The following ZC3H12B variants were observed in gnomAD, a reference collection of about 807,000 sequenced individuals.
ZC3H12B encodes the protein zinc finger CCCH-type containing 12B.
ZC3H12B carries 7 observed loss-of-function variants against 43.9 expected under a neutral mutation model. That is an observed-to-expected ratio of 0.16 (90% CI 0.09 to 0.30). The LOEUF is 0.30. Among genes scored for constraint, ZC3H12B ranks in the 10% least tolerant of loss-of-function variants. The pLI, the probability that ZC3H12B is intolerant of heterozygous loss-of-function variation, is 1.00. For synonymous variants in ZC3H12B, 222 were observed against 241.7 expected (o/e 0.92, Z 0.76); for missense variants, 475 against 670.2 (o/e 0.71, Z 3.22).
chrX:65,177,848 C>T, the ZC3H12B span, among the ~76,000 whole-genome samples: 1 of 112,107 alleles, frequency 8.9e-6, no homozygotes, highest in Non-Finnish European at 1.9e-5. Context: ...GGCCATAGTG[C>T]CAAAAGTAAT....
At chrX:65,231,473 G>A in the ZC3H12B span, among the ~76,000 whole-genome samples, 624 of 110,877 alleles carry the variant, frequency 5.6e-3, 3 homozygotes, top group Admixed American at 8.6e-3. Context: ...AGACCAGGGC[G>A]TATCTCAATC....
At chrX:65,459,479 T>C (rs1425469151) in intron 3 of ZC3H12B, among the ~76,000 whole-genome samples, 8 of 111,552 alleles carry the variant, frequency 7.2e-5, no homozygotes, top group Non-Finnish European at 1.1e-4. Context: ...GCAAACCGAA[T>C]CCAGCAGCAC....
chrX:65,503,707 C>T, exon 5 of ZC3H12B: 1 of 111,053 alleles, frequency 9.0e-6, no homozygotes, highest in Non-Finnish European at 1.9e-5. Flanking sequence ...ACCTCCACCT[C>T]CAGGGTTCAA....
chrX:65,402,416 G>A (rs1011187417), intron 3 of ZC3H12B, among the ~76,000 whole-genome samples: 1 of 111,823 alleles, frequency 8.9e-6, no homozygotes, highest in Non-Finnish European at 1.9e-5. Flanking sequence ...AAGGACACAG[G>A]CCTGGCTGGC....
the ZC3H12B span, among the ~76,000 whole-genome samples, chrX:65,115,320 T>C: frequency 6.1e-4 from 68 of 110,931 alleles, no homozygotes; most frequent in African/African-American, 2.1e-3. Flanking sequence ...TTTCCATTCC[T>C]GAGTTACTTC....
the ZC3H12B span, among the ~76,000 whole-genome samples, chrX:65,255,724 T>A: frequency 8.9e-6 from 1 of 111,927 alleles, no homozygotes; most frequent in Non-Finnish European, 1.9e-5. Context: ...AATGTCACAA[T>A]TAAAAGGCAC....
chrX:65,409,426 G>C lies in ZC3H12B; in HGVS notation n.407+10722G>C, dbSNP rs189787306. Among the ~76,000 whole-genome samples, 6 of 111,617 alleles carry C rather than the reference G, an allele frequency of 5.4e-5. No homozygotes were observed. The South Asian group carries it at 1.5e-3, about 27-fold the overall frequency. ...ACTTTCACCACTGTTATTCAACATA[G>C]TAGCGGAAGTCCTAGCTAGAGCAAT... is the stretch of plus-strand genomic sequence containing the variant. On this transcript the variant is annotated intron_variant and non_coding_transcript_variant, in intron 3 of 5. Coordinates refer to the ZC3H12B transcript ENST00000617377.
chrX:65,498,873 T>A (rs1015211193), intron 2 of ZC3H12B, 126 bp from the exon 8 acceptor site: 1 of 516,847 alleles, frequency 1.9e-6, no homozygotes, highest in Admixed American at 3.4e-5. Context: ...GAACAGGGCC[T>A]ACTTTCCCTC....
the ZC3H12B span, among the ~76,000 whole-genome samples, chrX:65,245,472 A>T: frequency 1.8e-5 from 2 of 112,142 alleles, no homozygotes; most frequent in Admixed American, 1.9e-4. Flanking sequence ...ATCCAGCAGC[A>T]TATCAAAAAG....
intron 1 of ZC3H12B, among the ~76,000 whole-genome samples, chrX:65,490,465 A>G (rs2068189504): frequency 9.1e-6 from 1 of 110,283 alleles, no homozygotes; most frequent in African/African-American, 3.3e-5. Context: ...TTAAGCTTGC[A>G]GAAAGAACAC....
chrX:65,200,232 A>C, the ZC3H12B span, among the ~76,000 whole-genome samples: 3 of 110,284 alleles, frequency 2.7e-5, no homozygotes, highest in African/African-American at 9.9e-5. Context: ...CCATATGTTT[A>C]TTGGCCGCAT....
the ZC3H12B span, among the ~76,000 whole-genome samples, chrX:65,314,357 T>G: frequency 9.0e-6 from 1 of 111,520 alleles, no homozygotes; most frequent in Admixed American, 9.5e-5. Context: ...CACATTACAA[T>G]GAAAATGCTG....
At chrX:65,329,392 G>A in the ZC3H12B span, among the ~76,000 whole-genome samples, 1 of 109,163 alleles carries the variant, frequency 9.2e-6, no homozygotes, top group African/African-American at 3.5e-5. Flanking sequence ...TTTTTGATGG[G>A]GTTGTTTGTT....
chrX:65,321,675 TA>T, the ZC3H12B span, among the ~76,000 whole-genome samples: 91 of 89,829 alleles, frequency 1.0e-3, no homozygotes, highest in East Asian at 6.8e-3. Flanking sequence ...GTAGACTGGA[TA>T]AAAAAAAAAA....
chrX:65,281,981 C>T, the ZC3H12B span, among the ~76,000 whole-genome samples: 1 of 111,434 alleles, frequency 9.0e-6, no homozygotes, highest in African/African-American at 3.3e-5. Context: ...ATGTGATGCA[C>T]CACATTAAAG....
the ZC3H12B span, among the ~76,000 whole-genome samples, chrX:65,349,660 A>T: frequency 6.4e-4 from 72 of 111,821 alleles, no homozygotes; most frequent in African/African-American, 2.3e-3. Context: ...CCAATAAAAA[A>T]ATTATAGGGT....
intron 3 of ZC3H12B, among the ~76,000 whole-genome samples, chrX:65,436,305 T>A (rs1430170137): frequency 8.9e-6 from 1 of 112,276 alleles, no homozygotes; most frequent in Non-Finnish European, 1.9e-5. Context: ...GGGATTTTGG[T>A]GGGGACACAA....
chrX:65,102,270 C>T, the ZC3H12B span, among the ~76,000 whole-genome samples: 5 of 111,691 alleles, frequency 4.5e-5, no homozygotes, highest in Admixed American at 2.9e-4. Context: ...AAACCCATAG[C>T]CAATATCATA....
chrX:65,310,467 G>A, the ZC3H12B span, among the ~76,000 whole-genome samples: 1 of 111,546 alleles, frequency 9.0e-6, no homozygotes, highest in Non-Finnish European at 1.9e-5. Context: ...CCTCTTCAAG[G>A]AGAACTACAA....
Sources: gnomAD v4.1 joint callset for allele counts (sites outside exome capture counted in the v4.1 genomes callset) on GRCh38, gnomAD v4.1.1 for gene constraint, MANE v1.5 for transcripts, NCBI Gene and HGNC (gene_info 2026-07-23, HGNC 2026-07-21) for gene names.